The following SLC22A23 variants were observed in gnomAD, a reference collection of about 807,000 sequenced individuals.
SLC22A23 encodes the protein ion transporter protein.
Under a neutral mutation model 61.0 loss-of-function variants are expected in SLC22A23, and 26 were observed. The observed-to-expected ratio is 0.43, with a 90% CI of 0.31 to 0.59. The LOEUF (loss-of-function observed/expected upper bound fraction) is 0.59. SLC22A23 is among the 20% of genes least tolerant of loss of function. The pLI, the probability that SLC22A23 is intolerant of heterozygous loss-of-function variation, is 0.11. For missense variants in SLC22A23, 796 were observed against 934.7 expected, an observed-to-expected ratio of 0.85 and a Z score of 1.94; for synonymous variants, 430 against 413.9, an observed-to-expected ratio of 1.04 and a Z score of -0.47.
In SLC22A23 at chr6:3,324,515, C is replaced by G. The variant is rs1055080595; in HGVS notation, c.914-513G>C. 1.3e-5 allele frequency among the ~76,000 whole-genome samples: 2 copies of G among 152,194 alleles called. No individual in the cohort carries two copies. The highest frequency in any genetic ancestry group is 6.5e-5 in the Admixed American group (1 of 15,284). On this transcript the variant is annotated intron_variant, in intron 3 of 9. Coordinates refer to ENST00000406686, the MANE Select transcript of SLC22A23 (RefSeq NM_015482.2). This position sits in a 1 kb window ranked among gnomAD's most constrained non-coding sequence, Gnocchi z 4.3. The stretch of plus-strand genomic sequence containing the variant: ...CCTTCTTCTGGTTCTCACTCCAGGG[C>G]TCCTTGAGCACTCCGAGTTCCAGGC...
intron 5 of SLC22A23, among the ~76,000 whole-genome samples, chr6:3,294,105 T>TA (rs1760862875): frequency 6.6e-6 from 1 of 152,164 alleles, no homozygotes; most frequent in Non-Finnish European, 1.5e-5. Context: ...ATCATGGAGT[T>TA]ACTGCTCCCC....
At position 3,273,220 on chromosome 6, in the gene SLC22A23, G is replaced by A. The variant is rs148648616; in HGVS notation, c.1896C>T (p.Asn632=). The A allele has an allele frequency of 2.1e-3, 3,414 of 1,612,874 alleles. 4 individuals are homozygous for A. Among genetic ancestry groups the A allele is most frequent in the Non-Finnish European group, 2.7e-3 (3,136 of 1,179,284 alleles). Residue 632 remains asparagine, a synonymous_variant, in exon 10 of 10, where the codon AAC becomes AAT. Coordinates refer to ENST00000406686, the MANE Select transcript of SLC22A23 (RefSeq NM_015482.2). ...RDQNLPENIS[N]GEHYTRQPLL... ...GCGGCTGGCGCGTGTAGTGCTCCCCGTTAGAAATGTTCTCAGGCAGGTTCT... is the reference window on the plus strand; with the variant it reads ...GCGGCTGGCGCGTGTAGTGCTCCCCATTAGAAATGTTCTCAGGCAGGTTCT...
In SLC22A23 at chr6:3,324,990, T is replaced by C. The variant is rs1288487497; in HGVS notation, c.914-988A>G. 1.3e-5 allele frequency among the ~76,000 whole-genome samples: 2 copies of C among 152,212 alleles called. No homozygotes were observed. The highest frequency in any genetic ancestry group is 2.9e-5 in the Non-Finnish European group (2 of 68,046). On this transcript the variant is annotated intron_variant, in intron 3 of 9. Transcript: ENST00000406686. This position sits in a 1 kb window ranked among gnomAD's most constrained non-coding sequence, Gnocchi z 4.3. Reference sequence around the variant, plus strand: ...AGAAAAAGCAGCTGGGTTTTATATATATTATTTTCCCTACAGAGCATGTAC... The same window carrying C: ...AGAAAAAGCAGCTGGGTTTTATATACATTATTTTCCCTACAGAGCATGTAC...
At chr6:3,311,535 C>T (rs145404087) in intron 4 of SLC22A23, 21 of 152,166 alleles carry the variant, frequency 1.4e-4, no homozygotes, top group African/African-American at 4.8e-4. Context: ...ATTTTTTAAA[C>T]GTTAGTTCTG....
intron 3 of SLC22A23, among the ~76,000 whole-genome samples, chr6:3,388,115 G>C (rs1368230994): frequency 1.3e-5 from 2 of 152,208 alleles, no homozygotes; most frequent in Admixed American, 1.3e-4. Flanking sequence ...CTAGATGTAG[G>C]GAGAGGGCAA....
At chr6:3,338,472 G>T (rs796464681) in intron 3 of SLC22A23, among the ~76,000 whole-genome samples, 2 of 152,216 alleles carry the variant, frequency 1.3e-5, no homozygotes, top group Non-Finnish European at 2.9e-5. Flanking sequence ...GACTACAGGC[G>T]CATGCCGCCA....
chr6:3,401,023 A>G (rs1318169295), intron 3 of SLC22A23, among the ~76,000 whole-genome samples: 1 of 152,254 alleles, frequency 6.6e-6, no homozygotes, highest in African/African-American at 2.4e-5. Flanking sequence ...ATGGAAATAT[A>G]TCACTAAATT....
rs1763684956 is a variant in SLC22A23 at position 3,333,447 on chromosome 6, C to A, written c.914-9445G>T. Among the ~76,000 whole-genome samples the A allele has an allele frequency of 6.6e-6, 1 of 152,070 alleles. No individual in the cohort carries two copies. The highest frequency in any genetic ancestry group is 2.4e-5 in the African/African-American group (1 of 41,384). On this transcript the variant is annotated intron_variant, in intron 3 of 9. Coordinates refer to ENST00000406686, the MANE Select transcript of SLC22A23 (RefSeq NM_015482.2). This position sits in a 1 kb window ranked among gnomAD's most constrained non-coding sequence, Gnocchi z 4.1. ...TCCACCCCTCCCGCATCCCTCAGAC[C>A]ACATCACCTGCCCCTCCCCGCCCCA...
intron 9 of SLC22A23, chr6:3,276,968 G>A (rs193125766): frequency 3.9e-4 from 60 of 152,330 alleles, no homozygotes; most frequent in African/African-American, 1.3e-3. Context: ...CCGAAGCCTC[G>A]GTCTGCATCT....
At chr6:3,301,349 G>C (rs527662105) in intron 4 of SLC22A23, among the ~76,000 whole-genome samples, 10 of 152,166 alleles carry the variant, frequency 6.6e-5, no homozygotes, top group Admixed American at 5.2e-4. Flanking sequence ...AGATACATTT[G>C]TGATTTGATT....
At chr6:3,292,372 TA>T (rs762840280) in intron 5 of SLC22A23, among the ~76,000 whole-genome samples, 1 of 152,206 alleles carries the variant, frequency 6.6e-6, no homozygotes, top group Non-Finnish European at 1.5e-5. Context: ...GATGGACATC[TA>T]GAGACTTCTC....
rs944615960 is a variant in SLC22A23 at position 3,322,506 on chromosome 6, G to A, written c.1082+1328C>T. Among the ~76,000 whole-genome samples, 10 of 152,184 alleles carry A rather than the reference G, an allele frequency of 6.6e-5. No individual in the cohort carries two copies. Among genetic ancestry groups the A allele is most frequent in the African/African-American group, 2.4e-4 (10 of 41,428 alleles). On this transcript the variant is annotated intron_variant, in intron 4 of 9. Transcript: ENST00000406686. The surrounding 1 kb of genome is among the most constrained non-coding windows in gnomAD (Gnocchi z 4.1). Reference sequence around the variant, plus strand: ...GGGAGGGGTTTGGACATCCAACTTCGGGACAAGAGCTGGAGGCGGCCCCAG... The same window carrying A: ...GGGAGGGGTTTGGACATCCAACTTCAGGACAAGAGCTGGAGGCGGCCCCAG...
At chr6:3,285,470 G>A (rs1163586454) in intron 7 of SLC22A23, among the ~76,000 whole-genome samples, 3 of 152,214 alleles carry the variant, frequency 2.0e-5, no homozygotes. Context: ...GCTGTGGGGT[G>A]CCCCTGCCAG....
At chr6:3,424,036 G>C (rs1325000573) in intron 1 of SLC22A23, among the ~76,000 whole-genome samples, 1 of 152,202 alleles carries the variant, frequency 6.6e-6, no homozygotes, top group African/African-American at 2.4e-5. Flanking sequence ...TGGCCTTGTT[G>C]TAACAGGACC....
chr6:3,349,262 G>C (rs563384688), intron 3 of SLC22A23, among the ~76,000 whole-genome samples: 4 of 152,198 alleles, frequency 2.6e-5, no homozygotes, highest in Non-Finnish European at 1.5e-5. Context: ...CTGGGGCTTC[G>C]GACTGGGCAG....
At chr6:3,302,318 CTCTG>C (rs1211271066) in intron 4 of SLC22A23, among the ~76,000 whole-genome samples, 4 of 151,962 alleles carry the variant, frequency 2.6e-5, no homozygotes, top group South Asian at 2.1e-4. Flanking sequence ...TTTGGGTCTT[CTCTG>C]TCTTTTTCTT....
At chr6:3,434,741 C>T (rs559411925) in intron 1 of SLC22A23, among the ~76,000 whole-genome samples, 21 of 152,164 alleles carry the variant, frequency 1.4e-4, no homozygotes, top group Non-Finnish European at 2.5e-4. Flanking sequence ...GGAGGAGACG[C>T]GAGGGGTGTG....
At chr6:3,334,919 G>A (rs898656188) in intron 3 of SLC22A23, among the ~76,000 whole-genome samples, 2 of 152,194 alleles carry the variant, frequency 1.3e-5, no homozygotes, top group Non-Finnish European at 2.9e-5. Context: ...AGCAAATTGT[G>A]ATTTCCACAC....
intron 9 of SLC22A23, among the ~76,000 whole-genome samples, chr6:3,278,940 A>G (rs1369186574): frequency 1.3e-5 from 2 of 152,180 alleles, no homozygotes; most frequent in Non-Finnish European, 2.9e-5. Context: ...AGGAGGGCAG[A>G]GTACAGACCC....
Sources: gnomAD v4.1 joint callset for allele counts (sites outside exome capture counted in the v4.1 genomes callset) on GRCh38, gnomAD v4.1.1 for gene constraint, Gnocchi (gnomAD v3.1) non-coding constraint, MANE v1.5 for transcripts, NCBI Gene and HGNC (gene_info 2026-07-23, HGNC 2026-07-21) for gene names.